Variants in SLC38A6 observed in about 807,000 individuals in gnomAD.
SLC38A6 encodes the protein N system amino acid transporter NAT-1.
SLC38A6 carries 73 observed loss-of-function variants against 65.0 expected under a neutral mutation model. That is an observed-to-expected ratio of 1.12 (90% CI 0.93 to 1.37). The LOEUF (loss-of-function observed/expected upper bound fraction) is 1.37, where lower values mean the gene tolerates loss of function less well. Ranked by LOEUF, SLC38A6 falls within the 40% of genes most tolerant of loss-of-function variation. The pLI is 0.00. For missense variants in SLC38A6, 561 were observed against 531.1 expected, an observed-to-expected ratio of 1.06 and a Z score of -0.55; for synonymous variants, 183 against 178.8, an observed-to-expected ratio of 1.02 and a Z score of -0.19.
Position 60,984,822 on chromosome 14 carries a change from C to T in SLC38A6, c.310+19C>T. The T allele has an allele frequency of 2.5e-6, 4 of 1,608,256 alleles. No homozygotes were observed. The highest frequency in any genetic ancestry group is 3.4e-6 in the Non-Finnish European group (4 of 1,175,174). Reference sequence around the variant, plus strand: ...CAGACAGGTGAGTAAAAATGTTATGCTGCTTCATTTAATAAAGGAGTCTCT... The same window carrying T: ...CAGACAGGTGAGTAAAAATGTTATGTTGCTTCATTTAATAAAGGAGTCTCT... On this transcript the variant is annotated intron_variant, in intron 3 of 15. Transcript: ENST00000267488.
intron 15 of SLC38A6, among the ~76,000 whole-genome samples, chr14:61,076,427 A>G (rs904749672): frequency 2.6e-5 from 4 of 152,212 alleles, no homozygotes; most frequent in Non-Finnish European, 5.9e-5. Context: ...AATCTGAGGT[A>G]AGCACAGTTA....
intron 6 of SLC38A6, among the ~76,000 whole-genome samples, chr14:61,036,664 T>G (rs951519983): frequency 1.3e-5 from 2 of 152,184 alleles, no homozygotes; most frequent in Non-Finnish European, 2.9e-5. Flanking sequence ...TTATAAGTGT[T>G]TTCAAGTATA....
chr14:60,985,934 C>A (rs2037418011), intron 3 of SLC38A6, among the ~76,000 whole-genome samples: 1 of 152,264 alleles, frequency 6.6e-6, no homozygotes, highest in African/African-American at 2.4e-5. Flanking sequence ...TTTTAACAAC[C>A]AGCTCTCATG....
intron 12 of SLC38A6, 88 bp from the exon 13 acceptor site, chr14:61,050,424 T>C: frequency 1.2e-6 from 1 of 851,528 alleles, no homozygotes; most frequent in East Asian, 3.1e-5. Context: ...CTAAAATCTG[T>C]TATCATCCAT....
chr14:60,993,264 CT>C (rs1386102580), intron 3 of SLC38A6, among the ~76,000 whole-genome samples: 1 of 152,148 alleles, frequency 6.6e-6, no homozygotes, highest in Admixed American at 6.5e-5. Context: ...AGATAGGAAA[CT>C]GAGGCACTGA....
At chr14:61,014,801 G>C (rs1397302584) in intron 3 of SLC38A6, among the ~76,000 whole-genome samples, 3 of 152,168 alleles carry the variant, frequency 2.0e-5, no homozygotes, top group African/African-American at 7.2e-5. Flanking sequence ...CCTACAGGGG[G>C]GTGCCTCCCA....
intron 3 of SLC38A6, among the ~76,000 whole-genome samples, chr14:60,992,966 C>G (rs922798328): frequency 5.9e-5 from 9 of 152,064 alleles, no homozygotes; most frequent in African/African-American, 2.2e-4. Context: ...CCTGCCTCAG[C>G]CTCCCAAGTA....
chr14:61,024,189 T>C (rs1260794244), intron 5 of SLC38A6, among the ~76,000 whole-genome samples: 4 of 152,156 alleles, frequency 2.6e-5, no homozygotes, highest in Non-Finnish European at 5.9e-5. Context: ...GACAAATTGA[T>C]TGAAAAAATC....
chr14:61,000,391 A>G lies in SLC38A6; in HGVS notation c.311-15513A>G, dbSNP rs138775310. ...ACGCCTATAATCCCAGCACTTTGGG[A>G]GGACAAGGCAGGTGGATCACGAGGT... On this transcript the variant is annotated intron_variant, in intron 3 of 15. Coordinates refer to ENST00000267488, the MANE Select transcript of SLC38A6 (RefSeq NM_153811.3). Among the ~76,000 whole-genome samples, 1,291 of 152,356 alleles carry G rather than the reference A, an allele frequency of 8.5e-3. 12 individuals carry two copies. The highest frequency in any genetic ancestry group is 0.014 in the Non-Finnish European group (934 of 68,032).
At chr14:61,072,993 C>G (rs113457111) in intron 15 of SLC38A6, among the ~76,000 whole-genome samples, 4,043 of 152,260 alleles carry the variant, frequency 0.027, 78 homozygotes, top group Non-Finnish European at 0.042. Context: ...TACATCCCCC[C>G]CAACAGTGCA....
chr14:61,070,656 A>T (rs2043198070), intron 15 of SLC38A6, among the ~76,000 whole-genome samples: 1 of 152,176 alleles, frequency 6.6e-6, no homozygotes. Flanking sequence ...TAATGGTTGC[A>T]CTATTTTATG....
At chr14:60,992,471 C>T (rs2037972805) in intron 3 of SLC38A6, among the ~76,000 whole-genome samples, 1 of 136,452 alleles carries the variant, frequency 7.3e-6, no homozygotes, top group South Asian at 2.3e-4. Context: ...CGCCATAACC[C>T]CTCCCCAGGA....
At chr14:60,992,090 C>A (rs2037938913) in intron 3 of SLC38A6, among the ~76,000 whole-genome samples, 1 of 152,170 alleles carries the variant, frequency 6.6e-6, no homozygotes, top group Non-Finnish European at 1.5e-5. Context: ...GTCTCTACCC[C>A]ACCAGGGTTC....
At chr14:61,066,298 T>A (rs2043016088) in intron 15 of SLC38A6, among the ~76,000 whole-genome samples, 1 of 152,184 alleles carries the variant, frequency 6.6e-6, no homozygotes, top group African/African-American at 2.4e-5. Flanking sequence ...ATCAGAATCC[T>A]TTCTGTTTGT....
At chr14:61,000,483 T>C (rs923618624) in intron 3 of SLC38A6, among the ~76,000 whole-genome samples, 8 of 152,100 alleles carry the variant, frequency 5.3e-5, no homozygotes, top group Admixed American at 5.2e-4. Flanking sequence ...TACAAAAAAT[T>C]AGCCGGGCGT....
chr14:60,988,131 C>T (rs759747184), intron 3 of SLC38A6, among the ~76,000 whole-genome samples: 2 of 152,164 alleles, frequency 1.3e-5, no homozygotes, highest in Non-Finnish European at 2.9e-5. Flanking sequence ...TCTTACACTA[C>T]GAGAACCTCC....
At chr14:60,993,219 G>A (rs532674281) in intron 3 of SLC38A6, among the ~76,000 whole-genome samples, 2 of 152,256 alleles carry the variant, frequency 1.3e-5, no homozygotes, top group East Asian at 1.9e-4. Flanking sequence ...TCTCACAATA[G>A]CAATGTGAGG....
intron 6 of SLC38A6, among the ~76,000 whole-genome samples, chr14:61,035,233 A>C (rs1225708210): frequency 6.6e-6 from 1 of 152,092 alleles, no homozygotes; most frequent in Non-Finnish European, 1.5e-5. Flanking sequence ...ACGATAAAGA[A>C]AATTGAGAAA....
intron 15 of SLC38A6, among the ~76,000 whole-genome samples, chr14:61,063,558 C>T (rs561227647): frequency 2.6e-5 from 4 of 152,300 alleles, no homozygotes; most frequent in African/African-American, 9.6e-5. Context: ...AAATGTAATC[C>T]TACCCCAGTA....
Sources: allele counts gnomAD v4.1 joint callset (sites outside exome capture counted in the v4.1 genomes callset), GRCh38; gene constraint gnomAD v4.1.1; transcripts MANE v1.5; gene names NCBI Gene and HGNC (gene_info 2026-07-23, HGNC 2026-07-21).